SNX13: variants seen among roughly 807,000 people sequenced by gnomAD.
SNX13 encodes the protein sorting nexin 13.
In SNX13, 45 loss-of-function variants were observed where a neutral mutation model predicts 133.6. The ratio of observed to expected loss-of-function variants is 0.34; its 90% CI spans 0.27 to 0.43. The LOEUF (loss-of-function observed/expected upper bound fraction) is 0.43, where lower values mean the gene tolerates loss of function less well. Among genes scored for constraint, SNX13 ranks in the 20% least tolerant of loss-of-function variants. The pLI is 1.00. For synonymous variants in SNX13, 414 were observed against 373.9 expected (o/e 1.11, Z -1.24); for missense variants, 1,032 against 1,145.1 (o/e 0.90, Z 1.43).
At chr7:17,939,824 G>C (rs761556136) in intron 1 of SNX13, among the ~76,000 whole-genome samples, 1 of 152,234 alleles carries the variant, frequency 6.6e-6, no homozygotes, top group Non-Finnish European at 1.5e-5. Context: ...AAACAAACCG[G>C]TCGGGCCGAG....
chr7:17,806,907 G>C (rs541936375), intron 20 of SNX13, among the ~76,000 whole-genome samples: 1 of 152,324 alleles, frequency 6.6e-6, no homozygotes, highest in Non-Finnish European at 1.5e-5. Flanking sequence ...GTGCCTTGAG[G>C]AATGGTGATT....
Position 17,859,929 on chromosome 7 carries a change from C to G in SNX13, c.837+8478G>C, listed in dbSNP as rs77637639. Among the ~76,000 whole-genome samples the G allele has an allele frequency of 4.1e-3, 619 of 152,236 alleles. 9 individuals are homozygous for G. The highest frequency in any genetic ancestry group is 0.014 in the African/African-American group (585 of 41,554). On this transcript the variant is annotated intron_variant, in intron 9 of 25. Transcript: ENST00000428135. ...TGATAGACACTTAAGGTTATTTCCA[C>G]CTCTTGGCTACTGTGAATACTGCAA... is the stretch of plus-strand genomic sequence containing the variant.
chr7:17,885,242 C>A (rs1265293373), intron 5 of SNX13, among the ~76,000 whole-genome samples: 1 of 150,320 alleles, frequency 6.7e-6, no homozygotes, highest in Non-Finnish European at 1.5e-5. Context: ...GGAAAAAAGA[C>A]CACATATATT....
At chr7:17,927,191 AAT>A (rs1200703118) in intron 1 of SNX13, among the ~76,000 whole-genome samples, 7 of 150,002 alleles carry the variant, frequency 4.7e-5, no homozygotes, top group Admixed American at 1.3e-4. Flanking sequence ...GTGTACATAT[AAT>A]ATATATGTGT....
chr7:17,911,931 CAA>C (rs1799027464), intron 1 of SNX13, among the ~76,000 whole-genome samples: 1 of 152,114 alleles, frequency 6.6e-6, no homozygotes, highest in African/African-American at 2.4e-5. Context: ...GAGAGATACT[CAA>C]GAGTATCACA....
chr7:17,831,099 A>T, intron 15 of SNX13: 1 of 984,408 alleles, frequency 1.0e-6, no homozygotes, highest in East Asian at 1.1e-4. Flanking sequence ...CCCACCTCTT[A>T]AATCTTCCCA....
intron 7 of SNX13, among the ~76,000 whole-genome samples, chr7:17,874,171 G>GA (rs1227955421): frequency 6.6e-6 from 1 of 152,102 alleles, no homozygotes; most frequent in Non-Finnish European, 1.5e-5. Context: ...CAAAGAGTCT[G>GA]AACTGCTCAG....
chr7:17,921,811 T>C (rs983515827), intron 1 of SNX13, among the ~76,000 whole-genome samples: 6 of 152,248 alleles, frequency 3.9e-5, no homozygotes, highest in African/African-American at 7.2e-5. Context: ...CCCCAGATGA[T>C]TGCAATATGC....
chr7:17,804,609 A>T (rs1583468231), intron 20 of SNX13, among the ~76,000 whole-genome samples: 1 of 152,026 alleles, frequency 6.6e-6, no homozygotes, highest in South Asian at 2.1e-4. Context: ...TTACATTAAT[A>T]AAGAAAGAGA....
chr7:17,840,500 T>G (rs1789744413), intron 12 of SNX13, among the ~76,000 whole-genome samples: 1 of 152,016 alleles, frequency 6.6e-6, no homozygotes, highest in Non-Finnish European at 1.5e-5. Flanking sequence ...AAATCCCTCA[T>G]GTACACATGA....
At chr7:17,938,729 T>C (rs191268054) in intron 1 of SNX13, among the ~76,000 whole-genome samples, 10 of 152,204 alleles carry the variant, frequency 6.6e-5, no homozygotes, top group African/African-American at 2.4e-4. Context: ...AGTAGTTCAT[T>C]TGAAAGTATT....
At chr7:17,899,506 T>C (rs1172442096) in intron 1 of SNX13, 1 of 152,068 alleles carries the variant, frequency 6.6e-6, no homozygotes, top group South Asian at 2.1e-4. Flanking sequence ...CTTTTTATTC[T>C]TTTTTCTCCT....
At chr7:17,907,546 AT>A (rs1013559112) in intron 1 of SNX13, among the ~76,000 whole-genome samples, 3 of 152,212 alleles carry the variant, frequency 2.0e-5, no homozygotes, top group Non-Finnish European at 2.9e-5. Context: ...AAACAGAAAT[AT>A]CTGGAATCAG....
intron 12 of SNX13, among the ~76,000 whole-genome samples, chr7:17,841,918 C>T (rs1046004955): frequency 6.6e-6 from 1 of 151,722 alleles, no homozygotes; most frequent in Non-Finnish European, 1.5e-5. Flanking sequence ...GAGGAATCAG[C>T]AAATGTAAGG....
chr7:17,937,513 C>CAAAAAAAAAAAA (rs5882636), intron 1 of SNX13, among the ~76,000 whole-genome samples: 1 of 79,838 alleles, frequency 1.3e-5, no homozygotes, highest in Non-Finnish European at 2.4e-5. Context: ...GACTCCGTCT[C>CAAAAAAAAAAAA]AAAAAAAAAA....
intron 17 of SNX13, among the ~76,000 whole-genome samples, chr7:17,824,961 G>A (rs1787716897): frequency 6.6e-6 from 1 of 151,900 alleles, no homozygotes; most frequent in African/African-American, 2.4e-5. Context: ...GTAGAGATGG[G>A]GTTTCACCAT....
intron 22 of SNX13, among the ~76,000 whole-genome samples, chr7:17,799,657 C>A (rs1784412037): frequency 1.3e-5 from 2 of 151,678 alleles, no homozygotes; most frequent in South Asian, 4.2e-4. Flanking sequence ...GAAGTTCAAT[C>A]CATCACACAA....
At chr7:17,884,063 G>C (rs1420558948) in intron 5 of SNX13, among the ~76,000 whole-genome samples, 1 of 152,110 alleles carries the variant, frequency 6.6e-6, no homozygotes, top group Non-Finnish European at 1.5e-5. Context: ...TTAGAAAAAA[G>C]TTTGCTGATT....
At chr7:17,904,527 G>A (rs1562500212) in intron 1 of SNX13, among the ~76,000 whole-genome samples, 1 of 152,170 alleles carries the variant, frequency 6.6e-6, no homozygotes, top group African/African-American at 2.4e-5. Flanking sequence ...TTTTAGATCA[G>A]CTGTTTTATA....
Sources: allele counts gnomAD v4.1 joint callset (sites outside exome capture counted in the v4.1 genomes callset), GRCh38; gene constraint gnomAD v4.1.1; transcripts MANE v1.5; gene names NCBI Gene and HGNC (gene_info 2026-07-23, HGNC 2026-07-21).